The following LRIG1 variants were observed in gnomAD, a reference collection of about 807,000 sequenced individuals.
The protein encoded by LRIG1 is leucine rich repeats and immunoglobulin like domains 1, also known as leucine-rich repeats and immunoglobulin-like domains protein 1.
A neutral mutation model predicts 99.2 loss-of-function variants in LRIG1; 48 were observed. The ratio of observed to expected loss-of-function variants is 0.48; its 90% CI spans 0.38 to 0.62. The LOEUF (loss-of-function observed/expected upper bound fraction) is 0.62. Ranked by LOEUF, LRIG1 falls within the 20% of genes least tolerant of loss-of-function variation. LRIG1 has a pLI of 0.00. For synonymous variants in LRIG1, 772 were observed against 596.1 expected (o/e 1.29, Z -4.30); for missense variants, 1,646 against 1,434.4 (o/e 1.15, Z -2.38).
chr3:66,426,194 G>A (rs1242060686), intron 3 of LRIG1, among the ~76,000 whole-genome samples: 1 of 152,182 alleles, frequency 6.6e-6, no homozygotes, highest in Non-Finnish European at 1.5e-5. Flanking sequence ...TCTACATTGG[G>A]CCAGATGGTA....
At chr3:66,413,594 C>A (rs994544145) in intron 5 of LRIG1, among the ~76,000 whole-genome samples, 2 of 152,190 alleles carry the variant, frequency 1.3e-5, no homozygotes, top group Non-Finnish European at 1.5e-5. Flanking sequence ...TGGCTTCTAG[C>A]CCCAGTATGA....
At chr3:66,459,532 C>T (rs530280215) in intron 2 of LRIG1, among the ~76,000 whole-genome samples, 3 of 152,328 alleles carry the variant, frequency 2.0e-5, no homozygotes, top group Admixed American at 6.5e-5. Flanking sequence ...CACTCAGGAC[C>T]TTCCTGATCA....
chr3:66,379,460 C>T lies in LRIG1; in HGVS notation c.*803G>A, dbSNP rs767545243. On this transcript the variant is annotated 3_prime_UTR_variant, in exon 19 of 19. Transcript: ENST00000273261. Reference sequence around the variant, plus strand: ...TAATTTAAAAGTCTCAAATAGCAATCGAATGATACTGAGAAGGCCACATTT... The same window carrying T: ...TAATTTAAAAGTCTCAAATAGCAATTGAATGATACTGAGAAGGCCACATTT... 2 of 152,104 alleles carry T rather than the reference C, an allele frequency of 1.3e-5. No homozygotes were observed. The highest frequency in any genetic ancestry group is 2.4e-5 in the African/African-American group (1 of 41,408). 9.4% of individuals were successfully genotyped at this position (152,104 alleles called of 1,614,324 possible). A position where few individuals can be genotyped will look rare whatever the true frequency, so the allele number is the denominator to read the frequency against.
At chr3:66,426,235 C>T (rs760501150) in intron 3 of LRIG1, among the ~76,000 whole-genome samples, 1 of 152,216 alleles carries the variant, frequency 6.6e-6, no homozygotes, top group Non-Finnish European at 1.5e-5. Context: ...CATACTGTCT[C>T]TGTCATGACC....
At chr3:66,388,868 T>C (rs1701504172) in intron 12 of LRIG1, among the ~76,000 whole-genome samples, 1 of 152,192 alleles carries the variant, frequency 6.6e-6, no homozygotes, top group South Asian at 2.1e-4. Flanking sequence ...GGAGAGTATT[T>C]AGTATGGCTG....
chr3:66,443,328 A>AGGGGGCGGGGGATGAGTGAG (rs145468660), intron 3 of LRIG1, among the ~76,000 whole-genome samples: 1 of 30,906 alleles, frequency 3.2e-5, no homozygotes, highest in Non-Finnish European at 5.2e-5. Flanking sequence ...GGGATGAGTG[A>AGGGGGCGGGGGATGAGTGAG]GGGGCGGGGG....
chr3:66,498,306 T>G (rs964891896), intron 1 of LRIG1: 1 of 152,186 alleles, frequency 6.6e-6, no homozygotes, highest in Non-Finnish European at 1.5e-5. Context: ...TTATGCCATG[T>G]GAAATGTCAC....
chr3:66,418,799 G>A (rs760666319), intron 3 of LRIG1, among the ~76,000 whole-genome samples: 1 of 152,020 alleles, frequency 6.6e-6, no homozygotes, highest in Non-Finnish European at 1.5e-5. Flanking sequence ...GGGGCTTCTC[G>A]TGGACTCCTT....
chr3:66,419,498 C>T (rs1702735007), intron 3 of LRIG1, among the ~76,000 whole-genome samples: 1 of 152,076 alleles, frequency 6.6e-6, no homozygotes, highest in Admixed American at 6.5e-5. Flanking sequence ...GTGAGAGGAG[C>T]AAGGGAGTGC....
chr3:66,460,921 C>T (rs888151761), intron 2 of LRIG1, among the ~76,000 whole-genome samples: 1 of 152,152 alleles, frequency 6.6e-6, no homozygotes, highest in Non-Finnish European at 1.5e-5. Context: ...TCTGGAGAAT[C>T]TGGAGATGAG....
intron 7 of LRIG1, among the ~76,000 whole-genome samples, chr3:66,408,124 C>A (rs942794738): frequency 3.9e-5 from 6 of 152,210 alleles, no homozygotes; most frequent in Non-Finnish European, 8.8e-5. Context: ...AGAATCAAAG[C>A]TTCCTCCCAG....
intron 1 of LRIG1, among the ~76,000 whole-genome samples, chr3:66,489,304 A>G (rs1440493878): frequency 1.3e-5 from 2 of 152,192 alleles, no homozygotes; most frequent in East Asian, 3.9e-4. Flanking sequence ...CAGGAGGATC[A>G]CTTGAGCCCA....
At chr3:66,403,993 A>G (rs1023902443) in intron 9 of LRIG1, among the ~76,000 whole-genome samples, 1 of 152,190 alleles carries the variant, frequency 6.6e-6, no homozygotes. Context: ...TATGGGATAA[A>G]AAGGGGTCAC....
chr3:66,471,533 G>A (rs540627274), intron 1 of LRIG1, among the ~76,000 whole-genome samples: 1 of 152,296 alleles, frequency 6.6e-6, no homozygotes, highest in African/African-American at 2.4e-5. Context: ...GGCCCCAGCC[G>A]CTGCAGGGAG....
At chr3:66,431,926 AAGAT>A (rs1195767660) in intron 3 of LRIG1, among the ~76,000 whole-genome samples, 1 of 152,236 alleles carries the variant, frequency 6.6e-6, no homozygotes, top group Non-Finnish European at 1.5e-5. Flanking sequence ...CGTAGAAAAA[AAGAT>A]AGGGAATACA....
chr3:66,394,591 T>TGTTGA (rs1459598376), intron 11 of LRIG1, among the ~76,000 whole-genome samples: 58 of 152,318 alleles, frequency 3.8e-4, no homozygotes, highest in African/African-American at 1.3e-3. Flanking sequence ...TCTCCTGACC[T>TGTTGA]CTGATACATC....
At chr3:66,481,347 A>C (rs1189392713) in intron 1 of LRIG1, among the ~76,000 whole-genome samples, 2 of 152,232 alleles carry the variant, frequency 1.3e-5, no homozygotes, top group African/African-American at 2.4e-5. Flanking sequence ...CTTTTTTGGC[A>C]AGTGCCCCTT....
At chr3:66,421,087 A>T (rs1054779216) in intron 3 of LRIG1, among the ~76,000 whole-genome samples, 2 of 152,106 alleles carry the variant, frequency 1.3e-5, no homozygotes, top group African/African-American at 4.8e-5. Flanking sequence ...TGCCCCCATA[A>T]CTCAATCACC....
chr3:66,410,203 C>T lies in LRIG1; in HGVS notation c.861G>A (p.Gln287=), dbSNP rs141935177. Residue 287 remains glutamine (Q), a synonymous_variant, in exon 7 of 19, where the codon CAG becomes CAA. Transcript: ENST00000273261. ...CGATGGAATTGTTGCTGAGGTGGAG[C>T]TGATGCAGGGCCGTGAGGCCGTAGA... ...GSLYGLTALH[Q]LHLSNNSIAR... is the part of the protein sequence containing the mutation. The T allele has an allele frequency of 1.2e-6, 2 of 1,614,156 alleles. No individual in the cohort carries two copies. Among genetic ancestry groups the T allele is most frequent in the Non-Finnish European group, 1.7e-6 (2 of 1,179,960 alleles).
Sources: gnomAD v4.1 joint callset for allele counts (sites outside exome capture counted in the v4.1 genomes callset) on GRCh38, gnomAD v4.1.1 for gene constraint, MANE v1.5 for transcripts, NCBI Gene and HGNC (gene_info 2026-07-23, HGNC 2026-07-21) for gene names.